PRRC2B: variants seen among roughly 807,000 people sequenced by gnomAD.
PRRC2B encodes protein PRRC2B.
A neutral mutation model predicts 242.3 loss-of-function variants in PRRC2B; 68 were observed. The observed-to-expected ratio is 0.28, with a 90% CI of 0.23 to 0.34. The LOEUF is 0.34. Among genes scored for constraint, PRRC2B ranks in the 10% least tolerant of loss-of-function variants. The pLI is 1.00. For synonymous variants in PRRC2B, 1,228 were observed against 1,173.6 expected, an observed-to-expected ratio of 1.05 and a Z score of -0.95; for missense variants, 2,835 against 2,954.8, an observed-to-expected ratio of 0.96 and a Z score of 0.94.
chr9:131,399,134 G>A (rs781554431), intron 1 of PRRC2B, among the ~76,000 whole-genome samples: 4 of 151,644 alleles, frequency 2.6e-5, no homozygotes, highest in South Asian at 2.1e-4. Context: ...AAATTAGCTG[G>A]ATGCCGTGGC....
At chr9:131,484,913 A>G in intron 24 of PRRC2B, 35 bp from the exon 25 acceptor site, 1 of 1,591,718 alleles carries the variant, frequency 6.3e-7, no homozygotes. Flanking sequence ...GCGTGATAGT[A>G]ATTTTCATCC....
Position 131,467,773 on chromosome 9 carries a change from A to G in PRRC2B, c.1911+20A>G, listed in dbSNP as rs759540565. The G allele has an allele frequency of 6.2e-7, 1 of 1,612,716 alleles. No individual in the cohort carries two copies. Among genetic ancestry groups the G allele is most frequent in the South Asian group, 1.1e-5 (1 of 90,962 alleles). ...CAGCAGGTAAACAGATGAGATGGTA[A>G]AAGACTGTGATAAACAGGCCTGAGT... On this transcript the variant is annotated intron_variant, in intron 13 of 31. Coordinates refer to ENST00000683519, the MANE Select transcript of PRRC2B (RefSeq NM_013318.4).
At chr9:131,393,362 A>G (rs1056686398), upstream of PRRC2B, among the ~76,000 whole-genome samples, 12 of 152,154 alleles carry the variant, frequency 7.9e-5, no homozygotes, top group African/African-American at 2.9e-4. Flanking sequence ...TGTCTAAAAA[A>G]GTAAGAACCC....
chr9:131,426,016 AG>A (rs928499983), intron 1 of PRRC2B, among the ~76,000 whole-genome samples: 2 of 151,348 alleles, frequency 1.3e-5, no homozygotes, highest in Non-Finnish European at 2.9e-5. Context: ...CTCAACAAAA[AG>A]AAAAAAAATC....
At chr9:131,493,127 C>T (rs1213002930) in intron 30 of PRRC2B, among the ~76,000 whole-genome samples, 3 of 105,972 alleles carry the variant, frequency 2.8e-5, no homozygotes, top group Non-Finnish European at 6.1e-5. Context: ...CCAGCTGCAC[C>T]CCCTCTGCCT....
intron 1 of PRRC2B, among the ~76,000 whole-genome samples, chr9:131,428,824 C>A (rs1177142552): frequency 6.6e-6 from 1 of 152,218 alleles, no homozygotes; most frequent in Admixed American, 6.5e-5. Context: ...GCCACTGAGC[C>A]CATCAAGTGT....
At chr9:131,428,507 A>G (rs980716165) in intron 1 of PRRC2B, among the ~76,000 whole-genome samples, 1 of 151,278 alleles carries the variant, frequency 6.6e-6, no homozygotes, top group Non-Finnish European at 1.5e-5. Flanking sequence ...AGCAATTCTC[A>G]TGTCTCAGCC....
In PRRC2B at chr9:131,464,815, A is replaced by T; in HGVS notation, c.1457A>T (p.Asp486Val). The T allele has an allele frequency of 6.2e-7, 1 of 1,613,024 alleles. No individual in the cohort carries two copies. Among genetic ancestry groups the T allele is most frequent in the Admixed American group, 1.7e-5 (1 of 59,970 alleles). The change falls in exon 12 of 32, where the codon GAC becomes GTC. Residue 486 changes from aspartate to valine, a missense_variant. Around this residue, in one of 7 missense-constraint regions of PRRC2B, gnomAD observed 626 missense variants for 685.5 expected, o/e 0.91. Transcript: ENST00000683519. Reference sequence around the variant, plus strand: ...CAACAGTCCATCGAGGACAAGGAGGACAAGCCCCCACCAAGGCAGAAGTTC... The same window carrying T: ...CAACAGTCCATCGAGGACAAGGAGGTCAAGCCCCCACCAAGGCAGAAGTTC... ...FRQQSIEDKE[D>V]KPPPRQKFIQ...
chr9:131,481,106 C>G (rs182761927), intron 19 of PRRC2B, among the ~76,000 whole-genome samples: 5 of 151,768 alleles, frequency 3.3e-5, no homozygotes, highest in Admixed American at 2.6e-4. Flanking sequence ...TCGAGACCAT[C>G]CTGGCTAACA....
intron 5 of PRRC2B, among the ~76,000 whole-genome samples, chr9:131,439,996 T>C (rs1027825569): frequency 5.9e-5 from 9 of 151,690 alleles, no homozygotes; most frequent in African/African-American, 2.2e-4. Flanking sequence ...ATCCTCCCAC[T>C]TCAGCCTCCC....
chr9:131,486,318 C>A, intron 26 of PRRC2B, 136 bp downstream of exon 26: 1 of 834,606 alleles, frequency 1.2e-6, no homozygotes, highest in Non-Finnish European at 1.8e-6. Context: ...CAGCACCTGG[C>A]CCGCCACGGC....
At chr9:131,484,531 G>C (rs10751480) in intron 23 of PRRC2B, among the ~76,000 whole-genome samples, 155 bp from the exon 24 acceptor site, 130,836 of 152,180 alleles carry the variant, frequency 0.86, 57,290 homozygotes, top group South Asian at 0.97. Flanking sequence ...ACACGGAGCT[G>C]TAGGTGCTTT....
chr9:131,393,089 G>A (rs1465559414), upstream of PRRC2B, among the ~76,000 whole-genome samples: 2 of 152,178 alleles, frequency 1.3e-5, no homozygotes, highest in African/African-American at 4.8e-5. Flanking sequence ...GCTGAAGTGG[G>A]TTAATTTTCC....
At chr9:131,448,543 C>CAAAAAAAAAAAAAAA (rs754661321) in intron 9 of PRRC2B, among the ~76,000 whole-genome samples, 1,123 of 39,682 alleles carry the variant, frequency 0.028, 228 homozygotes, top group East Asian at 0.055. Flanking sequence ...GACACTGTCT[C>CAAAAAAAAAAAAAAA]AAAAAAAAAA....
In PRRC2B at chr9:131,386,699, C is replaced by T. The variant is rs191293548; in HGVS notation, c.-56+12968C>T. ...GCCAGACACCCATTCTGCCATTCAA[C>T]AAACCAACCAAATTCATTGAGCACT... On this transcript the variant is annotated intron_variant, in intron 1 of 1. Transcript: ENST00000682525. 2.7e-3 allele frequency among the ~76,000 whole-genome samples: 406 copies of T among 150,138 alleles called. 19 individuals carry two copies. The highest frequency in any genetic ancestry group is 4.3e-3 in the Non-Finnish European group (292 of 67,600).
chr9:131,489,331 C>T (rs1944118549), intron 28 of PRRC2B, among the ~76,000 whole-genome samples: 1 of 151,788 alleles, frequency 6.6e-6, no homozygotes, highest in Non-Finnish European at 1.5e-5. Context: ...GGATTACAGG[C>T]GCCCACCACC....
At chr9:131,439,118 C>T in intron 5 of PRRC2B, 57 bp downstream of exon 5, 4 of 1,464,910 alleles carry the variant, frequency 2.7e-6, no homozygotes, top group Non-Finnish European at 3.8e-6. Context: ...AGGTGAATGC[C>T]TTTTCCAGAA....
Position 131,470,844 on chromosome 9 carries a change from C to G in PRRC2B, c.1968C>G (p.Pro656=), listed in dbSNP as rs1231397530. 1 of 1,611,960 alleles carries G rather than the reference C, an allele frequency of 6.2e-7. No individual in the cohort carries two copies. Among genetic ancestry groups the G allele is most frequent in the Non-Finnish European group, 8.5e-7 (1 of 1,178,448 alleles). The change falls in exon 14 of 32, where the codon CCC becomes CCG. Residue 656 remains proline, a synonymous_variant. Coordinates refer to ENST00000683519, the MANE Select transcript of PRRC2B (RefSeq NM_013318.4). ...CGGTGTACCCCCCGCCGTCCCACCC[C>G]CAGCGCACCTTTTACCCACACCACC... is the stretch of plus-strand genomic sequence containing the variant. ...WQPVYPPPSH[P]QRTFYPHHPQ... is the part of the protein sequence containing the mutation.
At chr9:131,485,243 G>A in intron 25 of PRRC2B, 103 bp downstream of exon 25, 1 of 978,852 alleles carries the variant, frequency 1.0e-6, no homozygotes, top group Non-Finnish European at 1.5e-6. Flanking sequence ...GTCTTAAGTA[G>A]CATGTAGAAG....
Sources: gnomAD v4.1 joint callset for allele counts (sites outside exome capture counted in the v4.1 genomes callset) on GRCh38, gnomAD v4.1.1 for gene constraint, gnomAD v4.1.1 regional missense constraint, MANE v1.5 for transcripts, NCBI Gene and HGNC (gene_info 2026-07-23, HGNC 2026-07-21) for gene names.